Variants in CCSER1 observed in about 807,000 individuals in gnomAD.
CCSER1 encodes the protein coiled-coil serine rich protein 1, also known as serine-rich coiled-coil domain-containing protein 1.
In CCSER1, 41 loss-of-function variants were observed where a neutral mutation model predicts 82.0. The observed-to-expected ratio is 0.50, with a 90% CI of 0.39 to 0.65. The LOEUF is 0.65. CCSER1 is among the 30% of genes least tolerant of loss of function. The pLI is 0.00. For synonymous variants in CCSER1, 414 were observed against 383.9 expected, an observed-to-expected ratio of 1.08 and a Z score of -0.92; for missense variants, 1,119 against 1,064.2, an observed-to-expected ratio of 1.05 and a Z score of -0.72.
At chr4:90,403,582 G>A (rs965851615) in intron 4 of CCSER1, among the ~76,000 whole-genome samples, 2 of 150,064 alleles carry the variant, frequency 1.3e-5, no homozygotes, top group African/African-American at 4.9e-5. Context: ...AAAAATCACA[G>A]CATTAAACAT....
intron 1 of CCSER1, among the ~76,000 whole-genome samples, chr4:90,225,329 G>A (rs1742968282): frequency 6.7e-6 from 1 of 149,940 alleles, no homozygotes; most frequent in Admixed American, 6.7e-5. Context: ...GCCCACCATG[G>A]CCTCCTAAAG....
At chr4:91,039,754 G>T (rs965956066) in intron 9 of CCSER1, among the ~76,000 whole-genome samples, 1 of 151,458 alleles carries the variant, frequency 6.6e-6, no homozygotes, top group Non-Finnish European at 1.5e-5. Flanking sequence ...AATTATATAT[G>T]TATATATAAT....
chr4:90,415,297 A>G (rs1033890721), intron 4 of CCSER1, among the ~76,000 whole-genome samples: 1 of 152,238 alleles, frequency 6.6e-6, no homozygotes, highest in Non-Finnish European at 1.5e-5. Flanking sequence ...CTGAGACATC[A>G]TGCTGCCAGT....
At chr4:90,912,740 A>G (rs1034534914) in intron 8 of CCSER1, among the ~76,000 whole-genome samples, 6 of 152,174 alleles carry the variant, frequency 3.9e-5, no homozygotes, top group Non-Finnish European at 5.9e-5. Context: ...AAAACCTTGA[A>G]AAAAGATTAG....
chr4:90,156,958 C>A (rs2153359758), intron 1 of CCSER1, among the ~76,000 whole-genome samples: 1 of 152,304 alleles, frequency 6.6e-6, no homozygotes, highest in East Asian at 1.9e-4. Context: ...CATGCAGTTT[C>A]TTCCTAGCCT....
chr4:90,888,151 T>G (rs1375098951), intron 8 of CCSER1, among the ~76,000 whole-genome samples: 4 of 152,216 alleles, frequency 2.6e-5, no homozygotes, highest in African/African-American at 9.6e-5. Context: ...ATGTATTTTC[T>G]TTATTATCTT....
intron 1 of CCSER1, among the ~76,000 whole-genome samples, chr4:90,208,021 G>A (rs982734185): frequency 5.3e-5 from 8 of 152,122 alleles, no homozygotes; most frequent in Non-Finnish European, 8.8e-5. Context: ...CAGAGCTTGA[G>A]CACTGTGCCG....
intron 9 of CCSER1, among the ~76,000 whole-genome samples, chr4:90,971,535 A>G (rs1262086479): frequency 6.6e-6 from 1 of 152,036 alleles, no homozygotes; most frequent in Non-Finnish European, 1.5e-5. Context: ...CTTTCAGCAA[A>G]GAAAAGCCTG....
chr4:90,978,297 G>A (rs1204342683), intron 9 of CCSER1, among the ~76,000 whole-genome samples: 1 of 151,518 alleles, frequency 6.6e-6, no homozygotes, highest in Admixed American at 6.6e-5. Flanking sequence ...TGGGTTTTGT[G>A]AGAATTCAAA....
At chr4:90,795,173 A>G (rs189641860) in intron 7 of CCSER1, among the ~76,000 whole-genome samples, 17 of 151,904 alleles carry the variant, frequency 1.1e-4, no homozygotes, top group Non-Finnish European at 1.9e-4. Context: ...TGTAATCCCA[A>G]CTACTCGGGA....
intron 7 of CCSER1, chr4:90,780,942 T>A: frequency 3.0e-6 from 1 of 338,666 alleles, no homozygotes; most frequent in Non-Finnish European, 4.2e-6. Flanking sequence ...GGAAGCATAG[T>A]AGCATGTGCT....
At chr4:91,161,559 T>C (rs1250049374) in intron 10 of CCSER1, among the ~76,000 whole-genome samples, 1 of 152,226 alleles carries the variant, frequency 6.6e-6, no homozygotes, top group African/African-American at 2.4e-5. Context: ...TCCATTTGTT[T>C]GTGTCCTCTT....
At position 90,400,107 on chromosome 4, in the gene CCSER1, G is replaced by A; in HGVS notation, c.1581G>A (p.Glu527=). 1 of 1,598,138 alleles carries A rather than the reference G, an allele frequency of 6.3e-7. No individual in the cohort carries two copies. Among genetic ancestry groups the A allele is most frequent in the Non-Finnish European group, 8.6e-7 (1 of 1,166,566 alleles). Residue 527 remains glutamate (E), a synonymous_variant, in exon 4 of 11, where the codon GAG becomes GAA. Coordinates refer to ENST00000509176, the MANE Select transcript of CCSER1 (RefSeq NM_001145065.2). ...DDLMLDLEFL[E]EQSLHPSVCR... is the part of the protein sequence containing the mutation. ...TAATGCTTGATCTTGAATTTTTAGA[G>A]GAACAGAGTCTTCACCCTTCTGGTA...
chr4:91,297,203 T>G (rs1347585870), intron 10 of CCSER1, among the ~76,000 whole-genome samples: 1 of 151,958 alleles, frequency 6.6e-6, no homozygotes, highest in Non-Finnish European at 1.5e-5. Flanking sequence ...TACCTTTTTC[T>G]TCTCCTCTCT....
At chr4:90,696,677 T>C (rs2149257897) in intron 6 of CCSER1, among the ~76,000 whole-genome samples, 1 of 152,318 alleles carries the variant, frequency 6.6e-6, no homozygotes, top group East Asian at 1.9e-4. Context: ...ACACTTCTTA[T>C]TTAGCACTTT....
chr4:91,085,886 C>A, intron 9 of CCSER1, 64 bp from the exon 10 acceptor site: 2 of 906,010 alleles, frequency 2.2e-6, no homozygotes, highest in Non-Finnish European at 3.5e-6. Context: ...AATTATTGCA[C>A]TAATATGAAT....
chr4:90,168,607 A>G (rs775264183), intron 1 of CCSER1, among the ~76,000 whole-genome samples: 1 of 152,136 alleles, frequency 6.6e-6, no homozygotes, highest in Non-Finnish European at 1.5e-5. Flanking sequence ...TTATGGTTTT[A>G]GGTCTAACAT....
At chr4:90,499,655 G>C (rs1769554280) in intron 5 of CCSER1, among the ~76,000 whole-genome samples, 1 of 151,920 alleles carries the variant, frequency 6.6e-6, no homozygotes, top group African/African-American at 2.4e-5. Flanking sequence ...GTTCAACCCT[G>C]GTTCATAACA....
At chr4:90,778,964 T>C (rs965983427) in intron 7 of CCSER1, among the ~76,000 whole-genome samples, 2 of 152,182 alleles carry the variant, frequency 1.3e-5, no homozygotes, top group Admixed American at 6.5e-5. Context: ...TAGTTAAATA[T>C]ACTTTATCTC....
Sources: allele counts gnomAD v4.1 joint callset (sites outside exome capture counted in the v4.1 genomes callset), GRCh38; gene constraint gnomAD v4.1.1; transcripts MANE v1.5; gene names NCBI Gene and HGNC (gene_info 2026-07-23, HGNC 2026-07-21).